Variants in COL27A1 observed in about 807,000 individuals in gnomAD.
COL27A1 encodes the protein collagen type XXVII alpha 1 chain, also known as collagen alpha-1(XXVII) chain.
COL27A1 carries 106 observed loss-of-function variants against 251.3 expected under a neutral mutation model. The ratio of observed to expected loss-of-function variants is 0.42; its 90% confidence interval spans 0.36 to 0.50. The LOEUF (loss-of-function observed/expected upper bound fraction) is 0.50, where lower values mean the gene tolerates loss of function less well. Among genes scored for constraint, COL27A1 ranks in the 20% least tolerant of loss-of-function variants. The pLI is 0.00. For missense variants in COL27A1, 2,325 were observed against 2,522.8 expected (o/e 0.92, Z 1.68); for synonymous variants, 1,000 against 986.3 (o/e 1.01, Z -0.26).
chr9:114,174,646 A>G (rs374739860), intron 3 of COL27A1, among the ~76,000 whole-genome samples: 1 of 152,292 alleles, frequency 6.6e-6, no homozygotes, highest in East Asian at 1.9e-4. Context: ...ATGGAGAAGA[A>G]CCAGCATGCA....
intron 34 of COL27A1, among the ~76,000 whole-genome samples, chr9:114,268,225 C>T (rs890041088): frequency 2.0e-5 from 3 of 152,052 alleles, no homozygotes; most frequent in Non-Finnish European, 4.4e-5. Flanking sequence ...GGGCTCAGAG[C>T]TCTGCCCTCC....
In COL27A1 at chr9:114,282,741, A is replaced by G. The variant is rs547116305; in HGVS notation, c.3879+177A>G. On this transcript the variant is annotated intron_variant, in intron 39 of 60. Transcript: ENST00000356083. The stretch of plus-strand genomic sequence containing the variant: ...ATCATGAATCGCTTTGGTAACCTGC[A>G]GAAAGCTGCAGCCCCGCCTCCGGAA... Among the ~76,000 whole-genome samples the G allele has an allele frequency of 2.6e-5, 4 of 152,362 alleles. No homozygotes were observed. In the East Asian group the frequency reaches 7.7e-4, roughly 29 times the overall value.
chr9:114,154,760 A>T (rs1464095931), upstream of COL27A1, among the ~76,000 whole-genome samples: 1 of 151,740 alleles, frequency 6.6e-6, no homozygotes, highest in Non-Finnish European at 1.5e-5. This position sits in a 1 kb window ranked among gnomAD's most constrained non-coding sequence, Gnocchi z 5.8. Context: ...GAGTTTGGGG[A>T]AAGGGTGGAT....
At chr9:114,288,807 G>C (rs74722121) in intron 43 of COL27A1, 52 bp downstream of exon 43, 3 of 1,601,646 alleles carry the variant, frequency 1.9e-6, no homozygotes, top group East Asian at 2.2e-5. Flanking sequence ...TCAGGGAGAG[G>C]GGGGATGACA....
intron 23 of COL27A1, among the ~76,000 whole-genome samples, chr9:114,244,306 G>C (rs1832964351): frequency 6.6e-6 from 1 of 152,058 alleles, no homozygotes; most frequent in Admixed American, 6.5e-5. Context: ...GGGACAATAG[G>C]AGATTTTCAT....
At chr9:114,230,984 C>A (rs1361198733) in intron 14 of COL27A1, 95 bp from the exon 15 acceptor site, 5 of 1,018,512 alleles carry the variant, frequency 4.9e-6, no homozygotes, top group Non-Finnish European at 6.0e-6. Flanking sequence ...CTTTGGAAGC[C>A]CAGGCCCAGG....
intron 27 of COL27A1, among the ~76,000 whole-genome samples, chr9:114,253,250 C>T (rs530047208): frequency 9.9e-4 from 132 of 133,638 alleles, no homozygotes; most frequent in African/African-American, 4.1e-3. Flanking sequence ...TAGAGCTAGA[C>T]CCTGTCTCAA....
intron 24 of COL27A1, among the ~76,000 whole-genome samples, chr9:114,248,048 A>C (rs933980652): frequency 3.3e-5 from 5 of 152,190 alleles, no homozygotes; most frequent in Non-Finnish European, 7.4e-5. Context: ...CAAATGAGGA[A>C]ACTGAGGCTC....
intron 37 of COL27A1, among the ~76,000 whole-genome samples, chr9:114,277,888 T>C (rs920515467): frequency 2.6e-5 from 4 of 152,202 alleles, no homozygotes; most frequent in Non-Finnish European, 4.4e-5. Flanking sequence ...TTGAGTATCA[T>C]GGCTGTGGAA....
At chr9:114,284,639 A>G in intron 40 of COL27A1, 85 bp from the exon 41 acceptor site, 1 of 1,417,778 alleles carries the variant, frequency 7.1e-7, no homozygotes, top group South Asian at 1.1e-5. Context: ...CCAGTTTTGC[A>G]GCCCAGTATC....
intron 15 of COL27A1, 135 bp downstream of exon 15, chr9:114,231,267 G>A: frequency 1.2e-6 from 1 of 809,634 alleles, no homozygotes; most frequent in Non-Finnish European, 2.0e-6. Context: ...AGGGGTGCTA[G>A]GAGGAAGCTG....
intron 14 of COL27A1, 39 bp from the exon 15 acceptor site, chr9:114,231,040 C>G: frequency 6.3e-7 from 1 of 1,589,412 alleles, no homozygotes; most frequent in Non-Finnish European, 8.6e-7. Flanking sequence ...TCCTGTGGGC[C>G]ACTGCTCACA....
intron 4 of COL27A1, among the ~76,000 whole-genome samples, chr9:114,179,511 A>C (rs1338693703): frequency 6.6e-6 from 1 of 152,126 alleles, no homozygotes; most frequent in Non-Finnish European, 1.5e-5. Context: ...TCCTCCATTC[A>C]TGTCTAAGAG....
At position 114,298,546 on chromosome 9, in the gene COL27A1, G is replaced by T. The variant is rs544531879; in HGVS notation, c.4585-1524G>T. Among the ~76,000 whole-genome samples the T allele has an allele frequency of 4.6e-5, 7 of 152,228 alleles. No homozygotes were observed. The South Asian group carries it at 1.2e-3, about 27-fold the overall frequency. On this transcript the variant is annotated intron_variant, in intron 49 of 60. Transcript: ENST00000356083. ...GTGCTAGGGCAATTGAATGGGAAAA[G>T]AATTTTTTTTCAATAAACAGTGCTG...
chr9:114,181,274 G>A (rs1386694472), intron 4 of COL27A1, among the ~76,000 whole-genome samples: 1 of 152,188 alleles, frequency 6.6e-6, no homozygotes, highest in Non-Finnish European at 1.5e-5. Context: ...GGGAGGGCAG[G>A]AGGGCTGATT....
At chr9:114,293,576 G>T (rs1280960507) in intron 49 of COL27A1, among the ~76,000 whole-genome samples, 1 of 147,320 alleles carries the variant, frequency 6.8e-6, no homozygotes, top group Non-Finnish European at 1.5e-5. Flanking sequence ...AAAATCAAAA[G>T]TTAGCTTTTT....
intron 32 of COL27A1, among the ~76,000 whole-genome samples, chr9:114,265,976 G>A (rs898899289): frequency 7.2e-5 from 11 of 152,184 alleles, no homozygotes; most frequent in South Asian, 4.1e-4. Flanking sequence ...CAGAAAGGGC[G>A]ATCAGCTTGC....
intron 12 of COL27A1, among the ~76,000 whole-genome samples, chr9:114,214,955 G>A (rs1830622928): frequency 1.3e-5 from 2 of 152,256 alleles, no homozygotes; most frequent in Non-Finnish European, 1.5e-5. Context: ...AGCAGGCTAG[G>A]AAGATGCTGC....
At chr9:114,229,149 A>G (rs75405074) in intron 14 of COL27A1, among the ~76,000 whole-genome samples, 1 of 152,342 alleles carries the variant, frequency 6.6e-6, no homozygotes, top group African/African-American at 2.4e-5. Flanking sequence ...ATTTCTTAGC[A>G]AAGGCTCAGC....
Sources: gnomAD v4.1 joint callset for allele counts (sites outside exome capture counted in the v4.1 genomes callset) on GRCh38, gnomAD v4.1.1 for gene constraint, Gnocchi (gnomAD v3.1) non-coding constraint, MANE v1.5 for transcripts, NCBI Gene and HGNC (gene_info 2026-07-23, HGNC 2026-07-21) for gene names.